The following PDE3A variants were observed in gnomAD, a reference collection of about 807,000 sequenced individuals.
PDE3A encodes the protein phosphodiesterase 3A.
Under a neutral mutation model 98.3 loss-of-function variants are expected in PDE3A, and 43 were observed. The ratio of observed to expected loss-of-function variants is 0.44; its 90% CI spans 0.34 to 0.56. The LOEUF (loss-of-function observed/expected upper bound fraction) is 0.56. Among genes scored for constraint, PDE3A ranks in the 20% least tolerant of loss-of-function variants. The pLI is 0.01. For synonymous variants in PDE3A, 663 were observed against 567.9 expected (o/e 1.17, Z -2.38); for missense variants, 1,427 against 1,440.7 (o/e 0.99, Z 0.15).
intron 1 of PDE3A, among the ~76,000 whole-genome samples, chr12:20,407,843 A>T (rs1944260332): frequency 6.6e-6 from 1 of 152,052 alleles, no homozygotes; most frequent in South Asian, 2.1e-4. Context: ...GTAAAAATTA[A>T]TTTTTTTGTT....
chr12:20,604,853 TCTTA>T (rs1175947385), intron 2 of PDE3A, among the ~76,000 whole-genome samples: 7 of 152,298 alleles, frequency 4.6e-5, no homozygotes, highest in African/African-American at 1.7e-4. Flanking sequence ...AGGTTGCCGT[TCTTA>T]CTTACACCAT....
chr12:20,631,700 A>ATTTTTTTTTTTTTTTTTT (rs58133440), intron 6 of PDE3A, among the ~76,000 whole-genome samples: 1 of 116,874 alleles, frequency 8.6e-6, no homozygotes, highest in Non-Finnish European at 1.8e-5. Flanking sequence ...ATCATAGTGT[A>ATTTTTTTTTTTTTTTTTT]TTTTTTTTTT....
At chr12:20,533,354 C>T (rs1292774298) in intron 1 of PDE3A, among the ~76,000 whole-genome samples, 2 of 151,922 alleles carry the variant, frequency 1.3e-5, no homozygotes, top group African/African-American at 4.8e-5. Flanking sequence ...TTCCTATTGT[C>T]TCTGCCTTGA....
At position 20,481,825 on chromosome 12, in the gene PDE3A, T is replaced by C. The variant is rs561966434; in HGVS notation, c.961-74835T>C. On this transcript the variant is annotated intron_variant, in intron 1 of 15. Coordinates refer to ENST00000359062, the MANE Select transcript of PDE3A (RefSeq NM_000921.5). Reference sequence around the variant, plus strand: ...TGTCACCCAGGCTGGAATGCAGGGGTGCGATCTCGGCTCACTGCAAGCTCC... The same window carrying C: ...TGTCACCCAGGCTGGAATGCAGGGGCGCGATCTCGGCTCACTGCAAGCTCC... Among the ~76,000 whole-genome samples the C allele has an allele frequency of 1.1e-4, 14 of 126,936 alleles. No homozygotes were observed. The Admixed American group carries it at 1.2e-3, about 11-fold the overall frequency. The allele number at this position is 126,936 out of a possible 152,430, so 83.3% of individuals were successfully genotyped here. A position where few individuals can be genotyped will look rare whatever the true frequency, so the allele number is the denominator to read the frequency against.
chr12:20,608,908 T>G (rs1379575493), intron 2 of PDE3A, among the ~76,000 whole-genome samples: 1 of 152,016 alleles, frequency 6.6e-6, no homozygotes, highest in Non-Finnish European at 1.5e-5. Context: ...AAAACAAAGT[T>G]TGACTTAAAA....
chr12:20,486,238 A>G (rs1945724845), intron 1 of PDE3A, among the ~76,000 whole-genome samples: 3 of 152,166 alleles, frequency 2.0e-5, no homozygotes, highest in Admixed American at 1.3e-4. Flanking sequence ...CGGGAAACTT[A>G]CAATCATGGT....
chr12:20,501,349 A>T (rs1946021928), intron 1 of PDE3A, among the ~76,000 whole-genome samples: 1 of 152,162 alleles, frequency 6.6e-6, no homozygotes, highest in Non-Finnish European at 1.5e-5. Flanking sequence ...ATATAACCTC[A>T]GCGTCAAGTC....
chr12:20,553,727 C>T (rs1447686263), intron 1 of PDE3A, among the ~76,000 whole-genome samples: 1 of 152,248 alleles, frequency 6.6e-6, no homozygotes, highest in Non-Finnish European at 1.5e-5. Flanking sequence ...GTGTGGCTGA[C>T]GCTGTCCGAC....
chr12:20,426,563 T>A (rs1284498200), intron 1 of PDE3A, among the ~76,000 whole-genome samples: 1 of 152,066 alleles, frequency 6.6e-6, no homozygotes, highest in African/African-American at 2.4e-5. Flanking sequence ...TCTGGAAATA[T>A]GAGAAATGGA....
chr12:20,474,501 A>G (rs2120980030), intron 1 of PDE3A, among the ~76,000 whole-genome samples: 1 of 152,368 alleles, frequency 6.6e-6, no homozygotes, highest in East Asian at 1.9e-4. Flanking sequence ...AAAACAACAC[A>G]CATTTATTCT....
chr12:20,525,603 A>T (rs1946504780), intron 1 of PDE3A, among the ~76,000 whole-genome samples: 1 of 152,152 alleles, frequency 6.6e-6, no homozygotes, highest in African/African-American at 2.4e-5. Flanking sequence ...CTATTTCAGA[A>T]TATAACACCA....
chr12:20,657,053 A>T (rs530277123), intron 15 of PDE3A, among the ~76,000 whole-genome samples: 1 of 152,326 alleles, frequency 6.6e-6, no homozygotes, highest in South Asian at 2.1e-4. Context: ...ATTACAATTT[A>T]AAAATATCCC....
chr12:20,429,233 A>G (rs935356978), intron 1 of PDE3A, among the ~76,000 whole-genome samples: 4 of 152,204 alleles, frequency 2.6e-5, no homozygotes, highest in Non-Finnish European at 5.9e-5. Flanking sequence ...TCAATCCTGT[A>G]AAGTTGACAT....
At chr12:20,489,362 C>G (rs755686452) in intron 1 of PDE3A, among the ~76,000 whole-genome samples, 1 of 152,202 alleles carries the variant, frequency 6.6e-6, no homozygotes, top group Non-Finnish European at 1.5e-5. Flanking sequence ...CAGCCCCTGA[C>G]AGCAGAAGCA....
intron 2 of PDE3A, among the ~76,000 whole-genome samples, chr12:20,583,909 T>C (rs1174679333): frequency 6.6e-6 from 1 of 152,174 alleles, no homozygotes; most frequent in Non-Finnish European, 1.5e-5. Context: ...TCCATTTCTA[T>C]GAAAACTGGG....
At chr12:20,467,174 T>C (rs1397669745) in intron 1 of PDE3A, among the ~76,000 whole-genome samples, 1 of 152,112 alleles carries the variant, frequency 6.6e-6, no homozygotes, top group Non-Finnish European at 1.5e-5. Flanking sequence ...TTCTTAGTTA[T>C]TGGTTGTTTT....
intron 1 of PDE3A, among the ~76,000 whole-genome samples, chr12:20,402,289 C>T (rs1345915255): frequency 6.6e-6 from 1 of 152,116 alleles, no homozygotes; most frequent in Non-Finnish European, 1.5e-5. Flanking sequence ...GGTGGGATTA[C>T]AGGTGTGTGC....
At chr12:20,376,132 T>C (rs1241617165) in intron 1 of PDE3A, among the ~76,000 whole-genome samples, 1 of 151,888 alleles carries the variant, frequency 6.6e-6, no homozygotes, top group East Asian at 1.9e-4. Flanking sequence ...GTACACTGAT[T>C]GATTGTATTT....
intron 1 of PDE3A, among the ~76,000 whole-genome samples, chr12:20,380,845 T>C (rs1314004327): frequency 6.6e-6 from 1 of 151,896 alleles, no homozygotes; most frequent in African/African-American, 2.4e-5. Flanking sequence ...ATAAATTAAA[T>C]TGAAATAATC....
Sources: gnomAD v4.1 joint callset for allele counts (sites outside exome capture counted in the v4.1 genomes callset) on GRCh38, gnomAD v4.1.1 for gene constraint, MANE v1.5 for transcripts, NCBI Gene and HGNC (gene_info 2026-07-23, HGNC 2026-07-21) for gene names.